The following ADGRB3 variants were observed in gnomAD, a reference collection of about 807,000 sequenced individuals.
ADGRB3 encodes adhesion G protein-coupled receptor B3, also known as brain-specific angiogenesis inhibitor 3.
A neutral mutation model predicts 193.4 loss-of-function variants in ADGRB3; 37 were observed. That is an observed-to-expected ratio of 0.19 (90% confidence interval 0.15 to 0.25). The LOEUF (loss-of-function observed/expected upper bound fraction) is 0.25, where lower values mean the gene tolerates loss of function less well. Among genes scored for constraint, ADGRB3 ranks in the 10% least tolerant of loss-of-function variants. The probability of loss-of-function intolerance (pLI) is 1.00; values close to 1 mark genes in which losing one functional copy is unlikely to be tolerated. For missense variants in ADGRB3, 1,637 were observed against 1,852.9 expected, an observed-to-expected ratio of 0.88 and a Z score of 2.14; for synonymous variants, 690 against 644.2, an observed-to-expected ratio of 1.07 and a Z score of -1.08.
intron 3 of ADGRB3, among the ~76,000 whole-genome samples, chr6:68,865,432 G>T (rs1273751415): frequency 1.3e-5 from 2 of 152,082 alleles, no homozygotes; most frequent in Non-Finnish European, 2.9e-5. Flanking sequence ...TACCTTCTCT[G>T]CAAGGTGAAG....
At chr6:68,718,650 C>T (rs926898009) in intron 3 of ADGRB3, among the ~76,000 whole-genome samples, 2 of 151,902 alleles carry the variant, frequency 1.3e-5, no homozygotes, top group Middle Eastern at 3.4e-3. Flanking sequence ...AAATCTTCCT[C>T]AGTACTCAGT....
At chr6:69,157,714 A>G (rs78053114) in intron 17 of ADGRB3, among the ~76,000 whole-genome samples, 1 of 151,686 alleles carries the variant, frequency 6.6e-6, no homozygotes, top group Admixed American at 6.6e-5. Flanking sequence ...AAAAAAAAAA[A>G]GGAATACTCC....
chr6:68,848,200 A>G (rs1332245853), intron 3 of ADGRB3, among the ~76,000 whole-genome samples: 1 of 152,148 alleles, frequency 6.6e-6, no homozygotes, highest in East Asian at 1.9e-4. Flanking sequence ...TAAAAAAACA[A>G]TGAAGAGGTA....
intron 3 of ADGRB3, among the ~76,000 whole-genome samples, chr6:68,905,541 A>G (rs1403716026): frequency 1.3e-5 from 2 of 152,184 alleles, no homozygotes; most frequent in African/African-American, 4.8e-5. Flanking sequence ...AATAGCAATG[A>G]CAATTCTAGC....
chr6:68,915,383 G>T (rs966949781), intron 3 of ADGRB3, among the ~76,000 whole-genome samples: 8 of 152,046 alleles, frequency 5.3e-5, no homozygotes, highest in African/African-American at 1.9e-4. Context: ...ACCCAGAGCT[G>T]TTAAAAATTC....
intron 30 of ADGRB3, among the ~76,000 whole-genome samples, chr6:69,377,950 C>T (rs979287942): frequency 6.6e-6 from 1 of 152,052 alleles, no homozygotes; most frequent in African/African-American, 2.4e-5. Flanking sequence ...ATTCTTCCAG[C>T]GGGAAGACCT....
At chr6:68,902,760 T>C (rs1010662708) in intron 3 of ADGRB3, among the ~76,000 whole-genome samples, 2 of 152,090 alleles carry the variant, frequency 1.3e-5, no homozygotes, top group Non-Finnish European at 2.9e-5. Context: ...AAGCTTTACC[T>C]AATGATCTTG....
chr6:69,008,334 A>C (rs968771241), intron 11 of ADGRB3, among the ~76,000 whole-genome samples: 1 of 152,168 alleles, frequency 6.6e-6, no homozygotes, highest in African/African-American at 2.4e-5. Flanking sequence ...GAAGGCATTC[A>C]ATGACTACTA....
At chr6:68,921,431 T>C (rs9454653) in intron 3 of ADGRB3, among the ~76,000 whole-genome samples, 10,218 of 152,142 alleles carry the variant, frequency 0.067, 909 homozygotes, top group African/African-American at 0.2. Flanking sequence ...TTGATAGAAA[T>C]CAAATAGATT....
chr6:69,097,545 G>C lies in ADGRB3; in HGVS notation c.2480+21507G>C, dbSNP rs558094724. Among the ~76,000 whole-genome samples the C allele has an allele frequency of 6.6e-5, 10 of 152,246 alleles. No individual in the cohort carries two copies. In the South Asian group the frequency reaches 1.7e-3, roughly 25 times the overall value. On this transcript the variant is annotated intron_variant, in intron 17 of 31. Transcript: ENST00000370598. ...ATAGATTCTACTTTTCTATATGGTA[G>C]TAAGAATAAGTAAATTCCAAAGTCA...
chr6:68,653,903 CCTCCCTCT>C (rs1383455043), intron 3 of ADGRB3, among the ~76,000 whole-genome samples: 2 of 151,846 alleles, frequency 1.3e-5, no homozygotes, highest in Non-Finnish European at 2.9e-5. Flanking sequence ...ACAGCCCCTC[CCTCCCTCT>C]CTCCCTCTCT....
At chr6:69,003,414 A>G (rs1263546220) in intron 11 of ADGRB3, among the ~76,000 whole-genome samples, 2 of 152,134 alleles carry the variant, frequency 1.3e-5, no homozygotes, top group Non-Finnish European at 2.9e-5. Context: ...AAAAAGCAGC[A>G]CTCATCTTTA....
At chr6:69,356,134 C>A (rs1378767699) in intron 28 of ADGRB3, among the ~76,000 whole-genome samples, 1 of 152,072 alleles carries the variant, frequency 6.6e-6, no homozygotes, top group Non-Finnish European at 1.5e-5. Context: ...CACACAGTTA[C>A]TCTTCAGACA....
Position 69,083,567 on chromosome 6 carries a change from G to T in ADGRB3, c.2480+7529G>T, listed in dbSNP as rs191821417. The stretch of plus-strand genomic sequence containing the variant: ...ATACAAATTATGTAATGTGTTAAAG[G>T]GTAAGAATTTCATGGGTGGATAGAT... On this transcript the variant is annotated intron_variant, in intron 17 of 31. Transcript: ENST00000370598. Among the ~76,000 whole-genome samples the T allele has an allele frequency of 2.6e-5, 4 of 152,044 alleles. No homozygotes were observed. The East Asian group carries it at 7.7e-4, about 29-fold the overall frequency.
At chr6:68,861,390 T>G (rs951340410) in intron 3 of ADGRB3, among the ~76,000 whole-genome samples, 1 of 151,902 alleles carries the variant, frequency 6.6e-6, no homozygotes, top group Non-Finnish European at 1.5e-5. Flanking sequence ...TGAAACCCCG[T>G]CTCTACTAAA....
At chr6:68,801,416 A>G (rs1166772446) in intron 3 of ADGRB3, among the ~76,000 whole-genome samples, 2 of 152,252 alleles carry the variant, frequency 1.3e-5, no homozygotes, top group South Asian at 2.1e-4. Flanking sequence ...GGCTGGGCGC[A>G]GTGGCTCATG....
chr6:68,938,033 A>G (rs1767528517), intron 5 of ADGRB3, among the ~76,000 whole-genome samples: 1 of 152,026 alleles, frequency 6.6e-6, no homozygotes, highest in Admixed American at 6.6e-5. Context: ...TTAGAATAGA[A>G]TTGGGAGGTT....
chr6:68,795,359 A>G (rs1291329628), intron 3 of ADGRB3, among the ~76,000 whole-genome samples: 1 of 152,130 alleles, frequency 6.6e-6, no homozygotes, highest in Non-Finnish European at 1.5e-5. Flanking sequence ...TCTTGAAATA[A>G]AAGAAAATAT....
chr6:69,187,210 T>A (rs1765089091), intron 17 of ADGRB3, among the ~76,000 whole-genome samples: 1 of 152,150 alleles, frequency 6.6e-6, no homozygotes, highest in African/African-American at 2.4e-5. Context: ...AATGAAATTA[T>A]TTTTGCCTTT....
Sources: allele counts gnomAD v4.1 joint callset (sites outside exome capture counted in the v4.1 genomes callset), GRCh38; gene constraint gnomAD v4.1.1; transcripts MANE v1.5; gene names NCBI Gene and HGNC (gene_info 2026-07-23, HGNC 2026-07-21).